Variants in NPNT observed in about 807,000 individuals in gnomAD.
NPNT encodes the protein preosteoblast EGF-like repeat protein with MAM domain.
Under a neutral mutation model 68.6 loss-of-function variants are expected in NPNT, and 45 were observed. The observed-to-expected ratio is 0.66, with a 90% CI of 0.52 to 0.84. The LOEUF is 0.84. NPNT is among the 40% of genes least tolerant of loss of function. NPNT has a pLI of 0.00. For missense variants in NPNT, 672 were observed against 714.8 expected, an observed-to-expected ratio of 0.94 and a Z score of 0.68; for synonymous variants, 233 against 253.3, an observed-to-expected ratio of 0.92 and a Z score of 0.76.
At position 105,942,471 on chromosome 4, in the gene NPNT, C is replaced by G. The variant is rs753615257; in HGVS notation, c.928C>G (p.Pro310Ala). 1.2e-6 allele frequency: 2 copies of G among 1,613,340 alleles called. No homozygotes were observed. Among genetic ancestry groups the G allele is most frequent in the Non-Finnish European group, 1.7e-6 (2 of 1,179,770 alleles). The change falls in exon 8 of 12, where the codon CCT becomes GCT. Residue 310 changes from proline (P) to alanine (A), a missense_variant. Pro to Ala is a conservative substitution (Grantham distance 27, BLOSUM62 -1). Coordinates refer to ENST00000379987, the MANE Select transcript of NPNT (RefSeq NM_001033047.3). ...PYIPPIITNR[P>A]TSKPTTRPTP... ...TATTCCTCCTATCATTACCAACAGG[C>G]CTACTTCTAAGCCAACAACAAGACC...
At chr4:105,964,899 T>C (rs1578694657) in intron 10 of NPNT, among the ~76,000 whole-genome samples, 1 of 152,218 alleles carries the variant, frequency 6.6e-6, no homozygotes, top group Admixed American at 6.5e-5. Flanking sequence ...TTTGCTACCA[T>C]AGAAAAATGG....
intron 2 of NPNT, among the ~76,000 whole-genome samples, chr4:105,909,439 T>C (rs1014547058): frequency 3.9e-5 from 6 of 152,204 alleles, no homozygotes; most frequent in Non-Finnish European, 2.9e-5. Context: ...TTTGAAACAA[T>C]TACTTTTTAG....
intron 2 of NPNT, among the ~76,000 whole-genome samples, chr4:105,920,589 G>A (rs773116467): frequency 5.3e-5 from 8 of 151,872 alleles, no homozygotes; most frequent in Non-Finnish European, 1.0e-4. Flanking sequence ...AGTGAAAAGG[G>A]ATAGTGCTTA....
rs956958768 is a variant in NPNT at position 105,967,255 on chromosome 4, T to C, written c.1413T>C (p.Pro471=). 1.9e-6 allele frequency: 3 copies of C among 1,613,994 alleles called. No individual in the cohort carries two copies. The highest frequency in any genetic ancestry group is 2.5e-6 in the Non-Finnish European group (3 of 1,179,990). Residue 471 remains proline, a synonymous_variant, in exon 11 of 12, where the codon CCT becomes CCC. Coordinates refer to ENST00000379987, the MANE Select transcript of NPNT (RefSeq NM_001033047.3). Reference sequence around the variant, plus strand: ...GAAAAGCTGCACGCTTGGTGCTACCTCTCGGCCGCCTCATGCATTCAGGGG... The same window carrying C: ...GAAAAGCTGCACGCTTGGTGCTACCCCTCGGCCGCCTCATGCATTCAGGGG... ...PGGKAARLVL[P]LGRLMHSGDL...
At chr4:105,912,452 T>C (rs1307497993) in intron 2 of NPNT, 1 of 464,558 alleles carries the variant, frequency 2.2e-6, no homozygotes, top group Non-Finnish European at 3.5e-6. Context: ...CTTTTCCGTT[T>C]CAGTTGATTA....
At chr4:105,965,302 G>C (rs183958751) in intron 10 of NPNT, among the ~76,000 whole-genome samples, 1 of 140,368 alleles carries the variant, frequency 7.1e-6, no homozygotes, top group East Asian at 2.4e-4. Flanking sequence ...TTTTCCCTTA[G>C]TTAATGTTCC....
chr4:105,929,683 G>A (rs888712148), intron 3 of NPNT: 19 of 151,646 alleles, frequency 1.3e-4, no homozygotes, highest in Non-Finnish European at 2.9e-5. Context: ...ATATCAGCAC[G>A]GTAAAATATT....
At chr4:105,938,187 T>C in intron 4 of NPNT, 114 bp from the exon 5 acceptor site, 1 of 961,818 alleles carries the variant, frequency 1.0e-6, no homozygotes, top group South Asian at 1.7e-5. Context: ...AAGGCCTCTT[T>C]GTCTTCATTG....
chr4:105,950,491 T>A (rs914502834), intron 8 of NPNT, among the ~76,000 whole-genome samples: 2 of 152,138 alleles, frequency 1.3e-5, no homozygotes, highest in Non-Finnish European at 2.9e-5. Flanking sequence ...CTCACTCTTT[T>A]ACCCAGACTG....
chr4:105,902,946 G>A (rs1560886606), intron 2 of NPNT, among the ~76,000 whole-genome samples: 2 of 152,104 alleles, frequency 1.3e-5, no homozygotes, highest in South Asian at 4.2e-4. Context: ...AATCTGGCCA[G>A]GTCTTAACCT....
intron 2 of NPNT, among the ~76,000 whole-genome samples, chr4:105,899,946 T>C (rs1726260518): frequency 6.6e-6 from 1 of 152,200 alleles, no homozygotes; most frequent in South Asian, 2.1e-4. Flanking sequence ...AAGAGGCTGA[T>C]CAGATTGAAT....
intron 2 of NPNT, among the ~76,000 whole-genome samples, chr4:105,905,436 T>A (rs28730944): frequency 0.02 from 3,060 of 152,274 alleles, 103 homozygotes; most frequent in African/African-American, 0.068. Flanking sequence ...TACCACTGTT[T>A]CCTATTGATC....
chr4:105,913,321 A>G (rs1334244172), intron 2 of NPNT, among the ~76,000 whole-genome samples: 2 of 152,236 alleles, frequency 1.3e-5, no homozygotes, highest in African/African-American at 2.4e-5. Flanking sequence ...CTTAAAGCAT[A>G]TGTATTTTAA....
intron 8 of NPNT, among the ~76,000 whole-genome samples, chr4:105,951,886 TC>T (rs767242092): frequency 2.0e-5 from 3 of 152,192 alleles, no homozygotes; most frequent in Non-Finnish European, 4.4e-5. Context: ...ACAAGTATTG[TC>T]CTCATTGCCA....
chr4:105,967,720 T>C (rs1327361182), intron 11 of NPNT, among the ~76,000 whole-genome samples: 1 of 151,888 alleles, frequency 6.6e-6, no homozygotes, highest in Non-Finnish European at 1.5e-5. Flanking sequence ...AATAGAAAAG[T>C]TTTTTTGGTT....
chr4:105,957,927 G>C (rs1246675633), intron 8 of NPNT, among the ~76,000 whole-genome samples: 1 of 152,158 alleles, frequency 6.6e-6, no homozygotes, highest in African/African-American at 2.4e-5. Flanking sequence ...CAAGAAGTTT[G>C]AGTTTGATCT....
At chr4:105,966,413 G>T (rs1035479875) in intron 10 of NPNT, among the ~76,000 whole-genome samples, 1 of 152,048 alleles carries the variant, frequency 6.6e-6, no homozygotes, top group African/African-American at 2.4e-5. Context: ...CATCAAAGTG[G>T]TCTATCTAAA....
rs1191605060 is a variant in NPNT, at chr4:105,970,343, T to G, written c.*1353T>G. On this transcript the variant is annotated 3_prime_UTR_variant, in exon 12 of 12. Transcript: ENST00000379987. ...CATCATTCCTGAGGTTTGTCTTAAT[T>G]TCTGATTAAGTAATCAGAATATTTT... 1.5e-6 allele frequency: 1 copy of G among 680,860 alleles called. No homozygotes were observed. Among genetic ancestry groups the G allele is most frequent in the Non-Finnish European group, 2.7e-6 (1 of 376,508 alleles). 42.2% of individuals were successfully genotyped at this position (680,860 alleles called of 1,614,324 possible).
At chr4:105,922,992 A>G (rs1728371702) in intron 2 of NPNT, among the ~76,000 whole-genome samples, 1 of 152,206 alleles carries the variant, frequency 6.6e-6, no homozygotes, top group Non-Finnish European at 1.5e-5. Flanking sequence ...AAGGTCAGAG[A>G]AGCAATGCTG....
Sources: allele counts gnomAD v4.1 joint callset (sites outside exome capture counted in the v4.1 genomes callset), GRCh38; gene constraint gnomAD v4.1.1; transcripts MANE v1.5; gene names NCBI Gene and HGNC (gene_info 2026-07-23, HGNC 2026-07-21).